The following TM4SF20 variants were observed in gnomAD, a reference collection of about 807,000 sequenced individuals.
TM4SF20 encodes transmembrane 4 L six family member 20.
A neutral mutation model predicts 15.1 loss-of-function variants in TM4SF20; 13 were observed. That is an observed-to-expected ratio of 0.86 (90% CI 0.56 to 1.36). TM4SF20 has a LOEUF of 1.36. Among genes scored for constraint, TM4SF20 ranks in the 40% most tolerant of loss-of-function variants. TM4SF20 has a pLI of 0.00. For missense variants in TM4SF20, 282 were observed against 268.4 expected, an observed-to-expected ratio of 1.05 and a Z score of -0.35; for synonymous variants, 92 against 96.6, an observed-to-expected ratio of 0.95 and a Z score of 0.28.
At chr2:227,373,635 A>G (rs2076431826) in intron 1 of TM4SF20, among the ~76,000 whole-genome samples, 1 of 152,130 alleles carries the variant, frequency 6.6e-6, no homozygotes, top group Non-Finnish European at 1.5e-5. Flanking sequence ...AGTAGAGTTA[A>G]ATTGTGTGGA....
chr2:227,366,046 A>G (rs1386442697), intron 3 of TM4SF20, 47 bp downstream of exon 3: 3 of 1,567,094 alleles, frequency 1.9e-6, no homozygotes, highest in South Asian at 1.2e-5. Context: ...TAATCAAACT[A>G]GTTCAACTGT....
chr2:227,378,377 G>A (rs1195016361), intron 1 of TM4SF20, among the ~76,000 whole-genome samples: 6 of 152,152 alleles, frequency 3.9e-5, no homozygotes, highest in East Asian at 1.9e-4. Flanking sequence ...GAGAAAATCC[G>A]TAAATCTAAC....
At chr2:227,372,196 G>C (rs2076424261) in intron 1 of TM4SF20, among the ~76,000 whole-genome samples, 1 of 152,144 alleles carries the variant, frequency 6.6e-6, no homozygotes, top group Non-Finnish European at 1.5e-5. Context: ...TCTGTTACAG[G>C]CACTTTACAC....
Position 227,366,313 on chromosome 2 carries a change from C to G in TM4SF20, c.250-69G>C. On this transcript the variant is annotated intron_variant, in intron 2 of 3. Transcript: ENST00000304568. ...CTTGATCTGTTTCAAGCTTCAGGAG[C>G]GTATACAGTCTTTTTTAAATCCAGT... The G allele has an allele frequency of 1.5e-5, 21 of 1,368,292 alleles. 1 individual carries two copies. The highest frequency in any genetic ancestry group is 2.1e-5 in the Non-Finnish European group (21 of 999,184). 84.8% of individuals were successfully genotyped at this position (1,368,292 alleles called of 1,614,324 possible).
At chr2:227,364,162 C>G in intron 3 of TM4SF20, 150 bp from the exon 4 acceptor site, 1 of 765,270 alleles carries the variant, frequency 1.3e-6, no homozygotes, top group Non-Finnish European at 2.0e-6. Context: ...GAGCATGTGT[C>G]CATATACTCT....
intron 2 of TM4SF20, among the ~76,000 whole-genome samples, chr2:227,369,716 C>T (rs1330837314): frequency 6.6e-6 from 1 of 152,136 alleles, no homozygotes; most frequent in Non-Finnish European, 1.5e-5. Flanking sequence ...CGTGCCCAGC[C>T]TAATGTTCCC....
At chr2:227,364,052 C>T (rs1175439815) in intron 3 of TM4SF20, 40 bp from the exon 4 acceptor site, 2 of 1,567,364 alleles carry the variant, frequency 1.3e-6, no homozygotes, top group Non-Finnish European at 1.7e-6. Flanking sequence ...TCAGAAATAT[C>T]CCTGACCAAA....
chr2:227,379,359 C>T (rs564261325), upstream of TM4SF20: 31 of 1,183,038 alleles, frequency 2.6e-5, no homozygotes, highest in South Asian at 2.2e-4. Context: ...TAAAATTTAA[C>T]GCTAATAAAA....
intron 1 of TM4SF20, among the ~76,000 whole-genome samples, chr2:227,371,275 G>A (rs2076420039): frequency 6.6e-6 from 1 of 152,146 alleles, no homozygotes; most frequent in South Asian, 2.1e-4. Context: ...AGATTAGGAT[G>A]ACTTATTTAT....
At chr2:227,377,995 T>A (rs1560008040) in intron 1 of TM4SF20, among the ~76,000 whole-genome samples, 1 of 151,184 alleles carries the variant, frequency 6.6e-6, no homozygotes, top group Non-Finnish European at 1.5e-5. Flanking sequence ...AAAAAAAAGT[T>A]AAAAAAAAGT....
upstream of TM4SF20, among the ~76,000 whole-genome samples, chr2:227,380,751 A>G (rs907955854): frequency 6.6e-6 from 1 of 152,174 alleles, no homozygotes; most frequent in African/African-American, 2.4e-5. Flanking sequence ...GAATGGTGAA[A>G]TAATGTATGC....
chr2:227,366,613 C>T (rs564460387), intron 2 of TM4SF20, among the ~76,000 whole-genome samples: 1 of 150,672 alleles, frequency 6.6e-6, no homozygotes, highest in East Asian at 2.0e-4. Flanking sequence ...CCTGTGATCC[C>T]AGCTACTTGG....
chr2:227,366,010 GGCATTGTTCCAGTACT>G, intron 3 of TM4SF20, 67 bp downstream of exon 3: 1 of 1,352,070 alleles, frequency 7.4e-7, no homozygotes, highest in Non-Finnish European at 9.9e-7. Flanking sequence ...ATAAAAACAT[GGCATTGTTCCAGTACT>G]GCATTAATCT....
At chr2:227,366,448 C>T (rs2076393334) in intron 2 of TM4SF20, among the ~76,000 whole-genome samples, 1 of 151,980 alleles carries the variant, frequency 6.6e-6, no homozygotes, top group African/African-American at 2.4e-5. Context: ...ATGGTTGGGG[C>T]TGGGCATGGT....
intron 3 of TM4SF20, among the ~76,000 whole-genome samples, chr2:227,364,758 C>G (rs774406206): frequency 2.0e-5 from 3 of 152,236 alleles, no homozygotes; most frequent in Admixed American, 6.5e-5. Flanking sequence ...ATCTCCGCAA[C>G]TAGGCTGAGA....
rs187666151 is a variant in TM4SF20, at chr2:227,363,378, G to A, written c.*346C>T. ...TGCAGTAAGCTGAGATAGCACCACT[G>A]TACTACTGTACTCCAGCCTTTTTTG... On this transcript the variant is annotated 3_prime_UTR_variant, in exon 4 of 4. Coordinates refer to ENST00000304568, the MANE Select transcript of TM4SF20 (RefSeq NM_024795.4). 3.1e-4 allele frequency: 59 copies of A among 190,450 alleles called. No homozygotes were observed. The highest frequency in any genetic ancestry group is 2.0e-4 in the Non-Finnish European group (19 of 96,068). The allele number at this position is 190,450 out of a possible 1,614,324, so 11.8% of individuals were successfully genotyped here.
intron 2 of TM4SF20, among the ~76,000 whole-genome samples, chr2:227,368,335 TTATATATATA>T (rs61382561): frequency 8.1e-6 from 1 of 122,726 alleles, no homozygotes; most frequent in Non-Finnish European, 1.7e-5. Context: ...CATCTATTAT[TTATATATATA>T]TATATATATA....
chr2:227,373,945 A>AAAAAAAT (rs1184938702), intron 1 of TM4SF20, among the ~76,000 whole-genome samples: 2 of 149,814 alleles, frequency 1.3e-5, no homozygotes, highest in African/African-American at 4.9e-5. Context: ...AAAAAAAAAA[A>AAAAAAAT]ATATGTGGAA....
At chr2:227,371,017 ACTTC>A in intron 1 of TM4SF20, 37 bp from the exon 2 acceptor site, 1 of 1,550,296 alleles carries the variant, frequency 6.5e-7, no homozygotes, top group Non-Finnish European at 8.9e-7. Flanking sequence ...GAGTATTATA[ACTTC>A]TCATCAGAAG....
Sources: gnomAD v4.1 joint callset for allele counts (sites outside exome capture counted in the v4.1 genomes callset) on GRCh38, gnomAD v4.1.1 for gene constraint, MANE v1.5 for transcripts, NCBI Gene and HGNC (gene_info 2026-07-23, HGNC 2026-07-21) for gene names.